NEK7: variants seen among roughly 807,000 people sequenced by gnomAD.
NEK7 encodes the protein NIMA related kinase 7.
Under a neutral mutation model 44.6 loss-of-function variants are expected in NEK7, and 18 were observed. That is an observed-to-expected ratio of 0.40 (90% CI 0.28 to 0.60). The LOEUF (loss-of-function observed/expected upper bound fraction) is 0.60. Among genes scored for constraint, NEK7 ranks in the 20% least tolerant of loss-of-function variants. The pLI is 0.38. For missense variants in NEK7, 256 were observed against 366.5 expected (o/e 0.70, Z 2.46); for synonymous variants, 130 against 121.1 (o/e 1.07, Z -0.48).
intron 1 of NEK7, among the ~76,000 whole-genome samples, chr1:198,220,479 A>T (rs949639800): frequency 3.3e-5 from 5 of 152,144 alleles, no homozygotes; most frequent in African/African-American, 1.2e-4. Context: ...CTTTTCAAAG[A>T]TCTGATAGTT....
chr1:198,261,951 TTAATAGAG>T (rs1321724333), intron 3 of NEK7, among the ~76,000 whole-genome samples: 1 of 151,930 alleles, frequency 6.6e-6, no homozygotes, highest in Non-Finnish European at 1.5e-5. Context: ...TACTTTATAC[TTAATAGAG>T]TAAAATTTTG....
At chr1:198,230,331 A>T (rs927296847) in intron 1 of NEK7, among the ~76,000 whole-genome samples, 9 of 152,148 alleles carry the variant, frequency 5.9e-5, no homozygotes, top group Admixed American at 5.2e-4. Flanking sequence ...ATGATTATTT[A>T]TCATGACCAA....
At chr1:198,259,721 CT>C (rs1653389787) in intron 3 of NEK7, among the ~76,000 whole-genome samples, 1 of 151,976 alleles carries the variant, frequency 6.6e-6, no homozygotes, top group Non-Finnish European at 1.5e-5. Flanking sequence ...ATAATAATCC[CT>C]TTGGGGGAAT....
At chr1:198,298,899 C>T (rs1571614279) in intron 9 of NEK7, among the ~76,000 whole-genome samples, 1 of 152,314 alleles carries the variant, frequency 6.6e-6, no homozygotes, top group Middle Eastern at 3.4e-3. Flanking sequence ...ACTAGTGGTT[C>T]GTTGAAGTCG....
intron 1 of NEK7, among the ~76,000 whole-genome samples, chr1:198,184,216 A>C (rs1331284191): frequency 6.6e-6 from 1 of 152,156 alleles, no homozygotes; most frequent in South Asian, 2.1e-4. Flanking sequence ...TTCACTGGGC[A>C]ATTTTCACAA....
chr1:198,264,312 A>G, intron 5 of NEK7, 77 bp downstream of exon 5: 2 of 1,004,720 alleles, frequency 2.0e-6, no homozygotes, highest in Middle Eastern at 4.8e-4. Flanking sequence ...ACACATAGGG[A>G]TATTAGATAT....
At chr1:198,160,746 C>T (rs1375935599) in intron 1 of NEK7, among the ~76,000 whole-genome samples, 1 of 152,062 alleles carries the variant, frequency 6.6e-6, no homozygotes, top group African/African-American at 2.4e-5. Flanking sequence ...TAATTGTAAT[C>T]AAATATATGC....
intron 1 of NEK7, chr1:198,197,991 T>A: frequency 6.6e-7 from 1 of 1,526,576 alleles, no homozygotes; most frequent in Admixed American, 2.1e-5. Context: ...ATTGGCATCC[T>A]GGATACCCTG....
chr1:198,315,048 A>T (rs893563702), intron 9 of NEK7, among the ~76,000 whole-genome samples: 28 of 152,222 alleles, frequency 1.8e-4, no homozygotes, highest in African/African-American at 6.5e-4. Context: ...GCCACCTTGC[A>T]GTTTGATCTC....
intron 1 of NEK7, among the ~76,000 whole-genome samples, chr1:198,177,112 A>C (rs1664624246): frequency 1.3e-5 from 2 of 152,172 alleles, no homozygotes; most frequent in South Asian, 2.1e-4. Flanking sequence ...CAAAAGACTC[A>C]TTTTGTGTAG....
At chr1:198,204,911 G>A (rs1011403911) in intron 1 of NEK7, among the ~76,000 whole-genome samples, 1 of 152,062 alleles carries the variant, frequency 6.6e-6, no homozygotes, top group Non-Finnish European at 1.5e-5. Flanking sequence ...GTGCCTGGGA[G>A]GGATGTTTGT....
intron 5 of NEK7, among the ~76,000 whole-genome samples, chr1:198,276,322 A>T (rs1266203447): frequency 6.6e-6 from 1 of 151,654 alleles, no homozygotes; most frequent in East Asian, 1.9e-4. Flanking sequence ...TCTGATACAC[A>T]CATGATATGT....
intron 3 of NEK7, among the ~76,000 whole-genome samples, chr1:198,254,686 A>T (rs1185788158): frequency 2.0e-5 from 3 of 152,158 alleles, no homozygotes. Context: ...GTTTGTGCTT[A>T]AGAGTGGAAA....
rs965539010 is a variant in NEK7, at chr1:198,271,944, T to G, written c.373-6017T>G. On this transcript the variant is annotated intron_variant, in intron 5 of 9. Coordinates refer to ENST00000367385, the MANE Select transcript of NEK7 (RefSeq NM_133494.3). ...ATATATACACACACACACACACACA[T>G]AGATACATTTACTTAGGTACCTATA... Among the ~76,000 whole-genome samples, 4 of 142,474 alleles carry G rather than the reference T, an allele frequency of 2.8e-5. No homozygotes were observed. The Admixed American group carries it at 2.8e-4, about 10-fold the overall frequency. The allele number at this position is 142,474 out of a possible 152,430, so 93.5% of individuals were successfully genotyped here.
At chr1:198,233,185 C>T (rs1315368502) in intron 2 of NEK7, among the ~76,000 whole-genome samples, 3 of 151,910 alleles carry the variant, frequency 2.0e-5, no homozygotes, top group African/African-American at 7.2e-5. Flanking sequence ...TTGCCTTGCC[C>T]ACAGCTGCCT....
chr1:198,160,697 A>G (rs1664079021), intron 1 of NEK7, among the ~76,000 whole-genome samples: 1 of 152,028 alleles, frequency 6.6e-6, no homozygotes, highest in Non-Finnish European at 1.5e-5. Flanking sequence ...CCCTCCACCC[A>G]TTTTTGTAGG....
intron 3 of NEK7, chr1:198,256,245 C>T: frequency 7.1e-6 from 10 of 1,403,020 alleles, no homozygotes; most frequent in Non-Finnish European, 9.3e-6. Flanking sequence ...TAAGGCCCTT[C>T]CCTACTTTGT....
rs541082086 is a variant in NEK7, at chr1:198,198,812, C to A, written c.-28-33741C>A. On this transcript the variant is annotated intron_variant, in intron 1 of 9. Coordinates refer to ENST00000367385, the MANE Select transcript of NEK7 (RefSeq NM_133494.3). ...CTCCCCACAATTCGTCGGTAGCCCC[C>A]AGCAAAAGCTGATTCTGTAGTCCTT... Among the ~76,000 whole-genome samples, 72 of 152,342 alleles carry A rather than the reference C, an allele frequency of 4.7e-4. 1 individual carries two copies. The highest frequency in any genetic ancestry group is 1.7e-3 in the African/African-American group (69 of 41,570).
At chr1:198,315,555 A>G (rs1392499455) in intron 9 of NEK7, among the ~76,000 whole-genome samples, 1 of 152,212 alleles carries the variant, frequency 6.6e-6, no homozygotes, top group Non-Finnish European at 1.5e-5. Context: ...AGGCAGTGCT[A>G]GAGAAATAGG....
Sources: allele counts gnomAD v4.1 joint callset (sites outside exome capture counted in the v4.1 genomes callset), GRCh38; gene constraint gnomAD v4.1.1; transcripts MANE v1.5; gene names NCBI Gene and HGNC (gene_info 2026-07-23, HGNC 2026-07-21).